The following PPARGC1A variants were observed in gnomAD, a reference collection of about 807,000 sequenced individuals.
PPARGC1A encodes peroxisome proliferator-activated receptor gamma coactivator 1-alpha.
A neutral mutation model predicts 88.7 loss-of-function variants in PPARGC1A; 25 were observed. The observed-to-expected ratio is 0.28, with a 90% CI of 0.21 to 0.39. PPARGC1A has a LOEUF of 0.39. Among genes scored for constraint, PPARGC1A ranks in the 10% least tolerant of loss-of-function variants. The pLI, the probability that PPARGC1A is intolerant of heterozygous loss-of-function variation, is 1.00. For missense variants in PPARGC1A, 880 were observed against 968.7 expected (o/e 0.91, Z 1.22); for synonymous variants, 363 against 355.6 (o/e 1.02, Z -0.24).
At chr4:24,135,709 G>T in the PPARGC1A span, among the ~76,000 whole-genome samples, 1 of 152,160 alleles carries the variant, frequency 6.6e-6, no homozygotes, top group African/African-American at 2.4e-5. Flanking sequence ...ACTGAAAAAT[G>T]TCTCATTCCG....
the PPARGC1A span, among the ~76,000 whole-genome samples, chr4:24,213,147 G>A: frequency 6.7e-6 from 1 of 149,554 alleles, no homozygotes; most frequent in East Asian, 2.0e-4. Context: ...GCTGGTCAGG[G>A]CACAACTGAT....
At chr4:24,272,779 A>C in the PPARGC1A span, among the ~76,000 whole-genome samples, 1 of 152,214 alleles carries the variant, frequency 6.6e-6, no homozygotes, top group Non-Finnish European at 1.5e-5. Flanking sequence ...ACTGTCTGAA[A>C]CCACCATGAA....
At chr4:24,310,478 T>A in the PPARGC1A span, among the ~76,000 whole-genome samples, 1 of 152,140 alleles carries the variant, frequency 6.6e-6, no homozygotes, top group Non-Finnish European at 1.5e-5. Flanking sequence ...CGTAGCTGAT[T>A]TAAGAAGAGA....
the PPARGC1A span, among the ~76,000 whole-genome samples, chr4:24,322,082 T>C: frequency 2.0e-5 from 3 of 152,216 alleles, no homozygotes; most frequent in African/African-American, 7.2e-5. Flanking sequence ...CAAGGAATTA[T>C]TCCAGCTATA....
chr4:23,997,882 C>T, the PPARGC1A span, among the ~76,000 whole-genome samples: 1 of 152,214 alleles, frequency 6.6e-6, no homozygotes, highest in African/African-American at 2.4e-5. Flanking sequence ...CAAGTAAATA[C>T]ATAAAGCTTC....
At chr4:24,328,777 T>G in the PPARGC1A span, among the ~76,000 whole-genome samples, 1 of 152,224 alleles carries the variant, frequency 6.6e-6, no homozygotes, top group Admixed American at 6.5e-5. Flanking sequence ...TTAAACGGTC[T>G]GATTCTTTGA....
the PPARGC1A span, among the ~76,000 whole-genome samples, chr4:24,369,136 G>GA: frequency 5.3e-5 from 8 of 152,120 alleles, no homozygotes; most frequent in Non-Finnish European, 1.2e-4. Context: ...CATTACTGGA[G>GA]AAAAAAGACT....
chr4:24,071,203 C>G, the PPARGC1A span, among the ~76,000 whole-genome samples: 5 of 152,130 alleles, frequency 3.3e-5, no homozygotes, highest in African/African-American at 9.7e-5. Context: ...TATACAGACA[C>G]ACACCCACAT....
the PPARGC1A span, among the ~76,000 whole-genome samples, chr4:24,194,669 C>CACACACACACACACACACA: frequency 7.5e-5 from 3 of 40,170 alleles, no homozygotes; most frequent in African/African-American, 1.2e-4. Flanking sequence ...CACACACACA[C>CACACACACACACACACACA]CCCCATCAAG....
the PPARGC1A span, among the ~76,000 whole-genome samples, chr4:24,127,419 AT>A: frequency 1.3e-5 from 2 of 152,014 alleles, no homozygotes; most frequent in African/African-American, 4.8e-5. Context: ...ACTTCGAAGT[AT>A]TGTTTAGAAA....
the PPARGC1A span, among the ~76,000 whole-genome samples, chr4:24,040,412 C>T: frequency 3.3e-5 from 5 of 152,188 alleles, no homozygotes; most frequent in Non-Finnish European, 7.3e-5. Flanking sequence ...GCTAATTTAG[C>T]AATAAACAGA....
At chr4:23,959,805 T>C in the PPARGC1A span, among the ~76,000 whole-genome samples, 1 of 152,030 alleles carries the variant, frequency 6.6e-6, no homozygotes, top group East Asian at 1.9e-4. Flanking sequence ...GCCGGGAAGG[T>C]AATGGTGGCA....
the PPARGC1A span, among the ~76,000 whole-genome samples, chr4:24,172,690 G>A: frequency 1.3e-5 from 2 of 152,168 alleles, no homozygotes; most frequent in Non-Finnish European, 1.5e-5. Context: ...CCTGGGTTTC[G>A]CCTTCACTGT....
At chr4:23,955,613 CA>C in the PPARGC1A span, among the ~76,000 whole-genome samples, 1 of 151,776 alleles carries the variant, frequency 6.6e-6, no homozygotes, top group Non-Finnish European at 1.5e-5. Context: ...AGGATTAAAG[CA>C]AAAAAACTTG....
chr4:24,426,545 A>C, the PPARGC1A span, among the ~76,000 whole-genome samples: 1 of 152,324 alleles, frequency 6.6e-6, no homozygotes, highest in Admixed American at 6.5e-5. Flanking sequence ...GGAAAAGTGA[A>C]AATAGTACAA....
the PPARGC1A span, among the ~76,000 whole-genome samples, chr4:23,965,149 C>T: frequency 6.6e-6 from 1 of 152,180 alleles, no homozygotes; most frequent in Non-Finnish European, 1.5e-5. Context: ...CTCAAAGACT[C>T]TCTCCTCCAT....
chr4:24,362,155 A>T, the PPARGC1A span, among the ~76,000 whole-genome samples: 2 of 152,308 alleles, frequency 1.3e-5, no homozygotes, highest in African/African-American at 4.8e-5. Context: ...TCATGGGTTC[A>T]TTCCCAGTGC....
At chr4:24,004,285 G>T in the PPARGC1A span, among the ~76,000 whole-genome samples, 2 of 152,236 alleles carry the variant, frequency 1.3e-5, no homozygotes, top group East Asian at 1.9e-4. Context: ...CTTTTAAAAA[G>T]AAAAGTCCAA....
chr4:24,313,119 A>T, the PPARGC1A span, among the ~76,000 whole-genome samples: 2 of 152,212 alleles, frequency 1.3e-5, no homozygotes, highest in Non-Finnish European at 2.9e-5. Context: ...ATAATATTAA[A>T]TTCTTTAAGT....
Sources: allele counts gnomAD v4.1 joint callset (sites outside exome capture counted in the v4.1 genomes callset), GRCh38; gene constraint gnomAD v4.1.1; transcripts MANE v1.5; gene names NCBI Gene and HGNC (gene_info 2026-07-23, HGNC 2026-07-21).